The following D2HGDH variants were observed in gnomAD, a reference collection of about 807,000 sequenced individuals.
D2HGDH encodes D-2-hydroxyglutarate dehydrogenase, also known as D-2-hydroxyglutarate dehydrogenase, mitochondrial.
In D2HGDH, 31 loss-of-function variants were observed where a neutral mutation model predicts 46.9. That is an observed-to-expected ratio of 0.66 (90% CI 0.50 to 0.89). The LOEUF (loss-of-function observed/expected upper bound fraction) is 0.89, where lower values mean the gene tolerates loss of function less well. Among genes scored for constraint, D2HGDH ranks in the 40% least tolerant of loss-of-function variants. The pLI is 0.00. For synonymous variants in D2HGDH, 364 were observed against 332.6 expected (o/e 1.09, Z -1.03); for missense variants, 698 against 720.8 (o/e 0.97, Z 0.36).
At position 241,744,110 on chromosome 2, in the gene D2HGDH, G is replaced by T. The variant is rs1169072076; in HGVS notation, c.684+295G>T. On this transcript the variant is annotated intron_variant, in intron 5 of 9. Transcript: ENST00000321264. Reference sequence around the variant, plus strand: ...GCAGTGGTGGGCTTCTGGGAGCCGGGTGTGAAGGAAGGCTCATCCAGGGTC... The same window carrying T: ...GCAGTGGTGGGCTTCTGGGAGCCGGTTGTGAAGGAAGGCTCATCCAGGGTC... Among the ~76,000 whole-genome samples, 3 of 152,202 alleles carry T rather than the reference G, an allele frequency of 2.0e-5. No homozygotes were observed. The South Asian group carries it at 6.2e-4, about 31-fold the overall frequency.
At chr2:241,764,902 C>T (rs923866480) in intron 9 of D2HGDH, among the ~76,000 whole-genome samples, 1 of 152,248 alleles carries the variant, frequency 6.6e-6, no homozygotes, top group East Asian at 1.9e-4. Flanking sequence ...AGCCTCTTCT[C>T]TGAGCCGTCG....
chr2:241,745,737 A>G (rs567357299), intron 6 of D2HGDH, among the ~76,000 whole-genome samples: 1 of 152,314 alleles, frequency 6.6e-6, no homozygotes, highest in Admixed American at 6.5e-5. Context: ...CATTTCCTGC[A>G]GTAAAGGTCT....
chr2:241,749,025 T>C, intron 6 of D2HGDH: 1 of 1,011,122 alleles, frequency 9.9e-7, no homozygotes, highest in Non-Finnish European at 1.2e-6. Context: ...ATGGTCCTGG[T>C]GTCCCTCGTG....
At chr2:241,751,480 G>A in intron 8 of D2HGDH, 92 bp downstream of exon 8, 1 of 1,555,826 alleles carries the variant, frequency 6.4e-7, no homozygotes, top group South Asian at 1.2e-5. Context: ...GTGCAGCCTA[G>A]ACAGTGTGGG....
Position 241,755,486 on chromosome 2 carries a change from C to CTCCCCCTTCCGTCATGGCTG in D2HGDH, c.1141-353_1141-334dup, listed in dbSNP as rs1393080282. The CTCCCCCTTCCGTCATGGCTG allele has an allele frequency of 4.8e-5, 64 of 1,331,842 alleles. No individual in the cohort carries two copies. In the African/African-American group the frequency reaches 7.6e-4, roughly 16 times the overall value. 82.5% of individuals were successfully genotyped at this position (1,331,842 alleles called of 1,614,324 possible). On this transcript the variant is annotated intron_variant, in intron 8 of 9. Coordinates refer to ENST00000321264, the MANE Select transcript of D2HGDH (RefSeq NM_152783.5). ...ATGACCTGAAGCTGCAGGTGGGCGC[C>CTCCCCCTTCCGTCATGGCTG]TCCCCCTTCCGTCATGGCTGTCCCC...
chr2:241,764,646 T>C (rs6747623), intron 9 of D2HGDH, among the ~76,000 whole-genome samples: 92,068 of 152,088 alleles, frequency 0.61, 29,989 homozygotes, highest in African/African-American at 0.87. Flanking sequence ...GGACCTGAGT[T>C]GGGGGAGCTT....
Position 241,741,066 on chromosome 2 carries a change from C to T in D2HGDH, c.326C>T (p.Ser109Leu), listed in dbSNP as rs142050154. 32 of 1,613,886 alleles carry T rather than the reference C, an allele frequency of 2.0e-5. No homozygotes were observed. Among genetic ancestry groups the T allele is most frequent in the Non-Finnish European group, 2.5e-5 (29 of 1,180,000 alleles). The change falls in exon 3 of 10, where the codon TCG becomes TTG. Residue 109 changes from serine to leucine, a missense_variant. Coordinates refer to ENST00000321264, the MANE Select transcript of D2HGDH (RefSeq NM_152783.5). ...AAGGTGCTGCTGAGGCCACGGACGT[C>T]GGAGGAGGTGTCCCACATCCTCAGG... ...CSKVLLRPRTSEEVSHILRHC... is the reference protein window; with the variant it reads ...CSKVLLRPRTLEEVSHILRHC...
At chr2:241,744,991 C>G (rs540889621) in intron 6 of D2HGDH, 114 bp downstream of exon 6, 14 of 1,396,058 alleles carry the variant, frequency 1.0e-5, no homozygotes, top group Non-Finnish European at 1.4e-5. Flanking sequence ...CAAGGACAGT[C>G]GGTTCCCGTG....
intron 2 of D2HGDH, among the ~76,000 whole-genome samples, chr2:241,736,670 C>CTTTTTTTTTTTTTTT (rs768906916): frequency 6.8e-6 from 1 of 147,400 alleles, no homozygotes. Context: ...ACCGTTTATC[C>CTTTTTTTTTTTTTTT]GTTTTTTTTT....
intron 2 of D2HGDH, among the ~76,000 whole-genome samples, chr2:241,737,519 T>C (rs1363273956): frequency 2.6e-5 from 4 of 152,028 alleles, no homozygotes; most frequent in Admixed American, 2.6e-4. Context: ...AGATGGAGTC[T>C]TGCCCTGTCA....
chr2:241,755,659 C>G (rs751700644), intron 8 of D2HGDH, 190 bp from the exon 9 acceptor site: 1 of 1,542,504 alleles, frequency 6.5e-7, no homozygotes, highest in Admixed American at 2.0e-5. Flanking sequence ...GTCAGAGCCC[C>G]TCCTGGTCTG....
intron 9 of D2HGDH, among the ~76,000 whole-genome samples, chr2:241,758,217 T>G (rs1006227451): frequency 6.6e-6 from 1 of 152,220 alleles, no homozygotes; most frequent in African/African-American, 2.4e-5. Context: ...TGTTCCACGC[T>G]GTTCCTTTCT....
intron 2 of D2HGDH, among the ~76,000 whole-genome samples, chr2:241,738,746 G>C (rs1693616661): frequency 6.6e-6 from 1 of 152,240 alleles, no homozygotes; most frequent in South Asian, 2.1e-4. Context: ...GTGTGTGCCT[G>C]TGGGAGGGCG....
At chr2:241,754,973 G>A (rs112429441) in intron 8 of D2HGDH, 58,755 of 1,232,768 alleles carry the variant, frequency 0.048, 1,563 homozygotes, top group African/African-American at 0.084. Context: ...TGAGCCCTGG[G>A]TAGGACCCTG....
intron 9 of D2HGDH, among the ~76,000 whole-genome samples, chr2:241,757,456 C>A (rs978194410): frequency 3.9e-5 from 5 of 127,148 alleles, no homozygotes; most frequent in African/African-American, 1.4e-4. Flanking sequence ...GTACGGGAGC[C>A]CCAATATTTC....
intron 9 of D2HGDH, among the ~76,000 whole-genome samples, chr2:241,763,066 C>T (rs1364927068): frequency 1.3e-5 from 2 of 152,106 alleles, no homozygotes. Flanking sequence ...GGGGCCCCGC[C>T]CGGAACCTCT....
rs1244539519 is a variant in D2HGDH, at chr2:241,743,365, G to T, written c.491-257G>T. 2.6e-5 allele frequency among the ~76,000 whole-genome samples: 4 copies of T among 152,228 alleles called. No individual in the cohort carries two copies. The highest frequency in any genetic ancestry group is 9.7e-5 in the African/African-American group (4 of 41,450). On this transcript the variant is annotated intron_variant, in intron 4 of 9. Transcript: ENST00000321264. This position sits in a 1 kb window ranked among gnomAD's most constrained non-coding sequence, Gnocchi z 4.8. ...CTTCTACTCCTTTCCACGAGTGTGTGTGGGGGTGGGAAGTTTTTTCCTCTC... is the reference window on the plus strand; with the variant it reads ...CTTCTACTCCTTTCCACGAGTGTGTTTGGGGGTGGGAAGTTTTTTCCTCTC...
chr2:241,755,120 G>GC, intron 8 of D2HGDH: 2 of 1,303,986 alleles, frequency 1.5e-6, no homozygotes, highest in Non-Finnish European at 2.0e-6. Flanking sequence ...CTAGGATTTG[G>GC]CCCGGTTCTG....
chr2:241,747,783 G>A (rs1257476106), intron 6 of D2HGDH, among the ~76,000 whole-genome samples: 1 of 151,844 alleles, frequency 6.6e-6, no homozygotes, highest in African/African-American at 2.4e-5. Flanking sequence ...GGCTGGTCTT[G>A]AACTCCTGAG....
Sources: gnomAD v4.1 joint callset for allele counts (sites outside exome capture counted in the v4.1 genomes callset) on GRCh38, gnomAD v4.1.1 for gene constraint, Gnocchi (gnomAD v3.1) non-coding constraint, MANE v1.5 for transcripts, NCBI Gene and HGNC (gene_info 2026-07-23, HGNC 2026-07-21) for gene names.